Variants in RELL1 observed in about 807,000 individuals in gnomAD.
RELL1 encodes RELT like 1.
In RELL1, 10 loss-of-function variants were observed where a neutral mutation model predicts 23.0. The ratio of observed to expected loss-of-function variants is 0.43; its 90% CI spans 0.27 to 0.74. The LOEUF (loss-of-function observed/expected upper bound fraction) is 0.74, where lower values mean the gene tolerates loss of function less well. RELL1 is among the 30% of genes least tolerant of loss of function. RELL1 has a pLI of 0.19. For missense variants in RELL1, 315 were observed against 364.4 expected, an observed-to-expected ratio of 0.86 and a Z score of 1.10; for synonymous variants, 146 against 146.8, an observed-to-expected ratio of 0.99 and a Z score of 0.04.
At chr4:37,588,914 A>C (rs1718449360), downstream of RELL1, 1 of 1,605,882 alleles carries the variant, frequency 6.2e-7, no homozygotes, top group Non-Finnish European at 8.5e-7. Context: ...AGCTGGAGAA[A>C]TACTACTTCT....
At position 37,647,426 on chromosome 4, in the gene RELL1, A is replaced by G; in HGVS notation, c.327T>C (p.Ser109=). 1 of 1,612,070 alleles carries G rather than the reference A, an allele frequency of 6.2e-7. No individual in the cohort carries two copies. Among genetic ancestry groups the G allele is most frequent in the Middle Eastern group, 1.7e-4 (1 of 6,060 alleles). ...EKVEKIELND[S]VNENSDTVGQ... ...CAACAGTGTCACTGTTTTCATTCAC[A>G]CTGTCATTCAATTCTGAAAGAGAAA... Residue 109 remains serine (S), a synonymous_variant, in exon 3 of 7, where the codon AGT becomes AGC. Coordinates refer to ENST00000454158, the MANE Select transcript of RELL1 (RefSeq NM_001085400.2).
At chr4:37,670,625 C>CA (rs1721802619) in intron 1 of RELL1, among the ~76,000 whole-genome samples, 1 of 150,198 alleles carries the variant, frequency 6.7e-6, no homozygotes, top group Admixed American at 6.6e-5. Flanking sequence ...GGCTGGAGTG[C>CA]AGTGGTGTGA....
chr4:37,624,590 AT>A (rs979317027), intron 6 of RELL1, among the ~76,000 whole-genome samples: 39 of 145,474 alleles, frequency 2.7e-4, no homozygotes, highest in Non-Finnish European at 2.6e-4. Flanking sequence ...CGCCCGGCTA[AT>A]TTTTTTTTTT....
intron 1 of RELL1, among the ~76,000 whole-genome samples, chr4:37,676,885 C>T (rs76390671): frequency 0.041 from 6,285 of 152,204 alleles, 309 homozygotes; most frequent in South Asian, 0.18. Context: ...ATTCCGGGCC[C>T]TGTGCTTGGA....
downstream of RELL1, chr4:37,588,125 T>TG (rs1455480119): frequency 6.6e-6 from 1 of 152,194 alleles, no homozygotes; most frequent in African/African-American, 2.4e-5. Flanking sequence ...AAGGAAATGA[T>TG]GGGGAAAAGC....
chr4:37,657,914 C>A (rs1275932370), intron 1 of RELL1, among the ~76,000 whole-genome samples: 1 of 151,964 alleles, frequency 6.6e-6, no homozygotes, highest in Non-Finnish European at 1.5e-5. Context: ...CACAGCGAGA[C>A]CCTGTCACAC....
intron 3 of RELL1, 36 bp from the exon 4 acceptor site, chr4:37,638,540 GA>G (rs749828307): frequency 2.7e-6 from 4 of 1,458,844 alleles, no homozygotes; most frequent in Non-Finnish European, 3.8e-6. Flanking sequence ...AATTAAAATA[GA>G]ATGAATAAGA....
At chr4:37,651,145 A>C (rs1326868732) in intron 1 of RELL1, among the ~76,000 whole-genome samples, 1 of 152,206 alleles carries the variant, frequency 6.6e-6, no homozygotes, top group African/African-American at 2.4e-5. Flanking sequence ...AAGCACTATA[A>C]ATGTGTTAGC....
intron 3 of RELL1, among the ~76,000 whole-genome samples, chr4:37,640,906 A>G (rs1037839862): frequency 6.6e-6 from 1 of 152,216 alleles, no homozygotes; most frequent in African/African-American, 2.4e-5. Flanking sequence ...AAGAGGGAAA[A>G]CAACACCAAT....
exon 7 of RELL1, chr4:37,590,946 C>A (rs368684445): frequency 3.1e-6 from 5 of 1,613,844 alleles, no homozygotes; most frequent in East Asian, 2.2e-5. Context: ...TGGCGGAGGC[C>A]CTTGCAGCTT....
chr4:37,671,657 T>C (rs75970130), intron 1 of RELL1, among the ~76,000 whole-genome samples: 3,093 of 152,294 alleles, frequency 0.02, 49 homozygotes, highest in East Asian at 0.058. Flanking sequence ...AACTCACGAA[T>C]AATCCACCCC....
chr4:37,622,661 A>G (rs1719806839), intron 6 of RELL1, among the ~76,000 whole-genome samples: 1 of 152,130 alleles, frequency 6.6e-6, no homozygotes, highest in Admixed American at 6.6e-5. Context: ...GGGGACTGGG[A>G]GGTGCAGGGG....
intron 1 of RELL1, among the ~76,000 whole-genome samples, chr4:37,680,256 G>A (rs1343861756): frequency 6.6e-6 from 1 of 152,124 alleles, no homozygotes; most frequent in Non-Finnish European, 1.5e-5. Flanking sequence ...CTGTGAGAAT[G>A]TAACCTGGGA....
chr4:37,601,242 A>C (rs1719009981), intron 6 of RELL1, among the ~76,000 whole-genome samples: 1 of 152,204 alleles, frequency 6.6e-6, no homozygotes. Flanking sequence ...TGGCAGAAAC[A>C]TCAAAAACTA....
intron 6 of RELL1, among the ~76,000 whole-genome samples, chr4:37,630,589 TCTC>T (rs1226326263): frequency 1.3e-5 from 2 of 151,996 alleles, no homozygotes; most frequent in East Asian, 3.9e-4. Context: ...ATTGTCTCGA[TCTC>T]CTGACCTCAT....
intron 1 of RELL1, among the ~76,000 whole-genome samples, chr4:37,653,887 T>G (rs1721034858): frequency 6.6e-6 from 1 of 152,212 alleles, no homozygotes; most frequent in African/African-American, 2.4e-5. Context: ...ATAGCCATAA[T>G]AAAAGTAGAT....
downstream of RELL1, chr4:37,588,904 A>G (rs2109461024): frequency 6.2e-7 from 1 of 1,610,720 alleles, no homozygotes. Flanking sequence ...ACAAAGGTAA[A>G]GCTGGAGAAA....
chr4:37,623,528 A>G (rs2109247238), intron 6 of RELL1: 1 of 152,244 alleles, frequency 6.6e-6, no homozygotes, highest in Non-Finnish European at 1.5e-5. Context: ...GTAAAATAGG[A>G]TATTATTACC....
Position 37,635,022 on chromosome 4 carries a change from G to A in RELL1, c.545C>T (p.Thr182Met), listed in dbSNP as rs762389007. The change falls in exon 5 of 7, where the codon ACG becomes ATG. Residue 182 changes from threonine to methionine, a missense_variant. Thr to Met is a moderately conservative substitution (Grantham distance 81). Coordinates refer to ENST00000454158, the MANE Select transcript of RELL1 (RefSeq NM_001085400.2). Reference protein sequence around the residue: ...GKHVCGHHLHTVGGVVERDVC... With the variant: ...GKHVCGHHLHMVGGVVERDVC... ...ATCCCTCTCGACAACACCGCCCACC[G>A]TATGCAGATGATGGCCACAGACGTG... 5.0e-6 allele frequency: 8 copies of A among 1,614,092 alleles called. No homozygotes were observed. The highest frequency in any genetic ancestry group is 2.2e-5 in the South Asian group (2 of 91,092).
Sources: gnomAD v4.1 joint callset for allele counts (sites outside exome capture counted in the v4.1 genomes callset) on GRCh38, gnomAD v4.1.1 for gene constraint, MANE v1.5 for transcripts, NCBI Gene and HGNC (gene_info 2026-07-23, HGNC 2026-07-21) for gene names.